Variants in ADCY3 observed in about 807,000 individuals in gnomAD.
ADCY3 encodes adenylate cyclase type 3.
Under a neutral mutation model 119.4 loss-of-function variants are expected in ADCY3, and 70 were observed. The ratio of observed to expected loss-of-function variants is 0.59; its 90% CI spans 0.48 to 0.72. ADCY3 has a LOEUF of 0.72. ADCY3 is among the 30% of genes least tolerant of loss of function. The pLI is 0.00. For synonymous variants in ADCY3, 672 were observed against 621.4 expected, an observed-to-expected ratio of 1.08 and a Z score of -1.21; for missense variants, 1,238 against 1,541.6, an observed-to-expected ratio of 0.80 and a Z score of 3.30.
chr2:24,885,942 T>C (rs996130642), intron 2 of ADCY3, among the ~76,000 whole-genome samples: 3 of 152,198 alleles, frequency 2.0e-5, no homozygotes, highest in Non-Finnish European at 2.9e-5. Flanking sequence ...CGGCACATGC[T>C]GTAGCCCCTA....
intron 13 of ADCY3, 38 bp from the exon 14 acceptor site, chr2:24,828,199 G>A: frequency 6.2e-7 from 1 of 1,606,484 alleles, no homozygotes; most frequent in Non-Finnish European, 8.5e-7. Flanking sequence ...ACACGTTCAA[G>A]AGAACAGCAG....
chr2:24,846,650 C>G (rs562352671), intron 3 of ADCY3, among the ~76,000 whole-genome samples: 2 of 151,538 alleles, frequency 1.3e-5, no homozygotes, highest in East Asian at 3.9e-4. Context: ...GCAATCTCAG[C>G]TCACTGCAAC....
intron 13 of ADCY3, 141 bp from the exon 14 acceptor site, chr2:24,828,302 A>G (rs1391124028): frequency 1.3e-5 from 13 of 994,412 alleles, no homozygotes; most frequent in Non-Finnish European, 1.7e-5. Context: ...GGGGAAATTT[A>G]CCAGGGACTA....
Position 24,842,294 on chromosome 2 carries a change from G to C in ADCY3, c.916C>G (p.Gln306Glu). The C allele has an allele frequency of 6.2e-7, 1 of 1,614,192 alleles. No homozygotes were observed. Among genetic ancestry groups the C allele is most frequent in the Non-Finnish European group, 8.5e-7 (1 of 1,180,044 alleles). ...CGGTACATGTACATGGTGTTGAACT[G>C]CTGCTGGTCCTTCTGGCTCTCGTCT... The part of the protein sequence containing the change: ...KKDESQKDQQ[Q>E]FNTMYMYRHE... The change falls in exon 4 of 22, where the codon CAG (glutamine) becomes GAG (glutamate). Residue 306 changes from glutamine to glutamate, a missense_variant. Physicochemically the swap from Gln to Glu is conservative, Grantham distance 29 (BLOSUM62 2). This residue lies in a region of ADCY3 where 283 missense variants were observed against 437.2 expected (regional missense o/e 0.65). Transcript: ENST00000679454. The surrounding 1 kb of genome is among the most constrained non-coding windows in gnomAD (Gnocchi z 4.9).
chr2:24,902,640 A>C (rs1171029896), intron 2 of ADCY3, among the ~76,000 whole-genome samples: 1 of 151,974 alleles, frequency 6.6e-6, no homozygotes, highest in Non-Finnish European at 1.5e-5. Context: ...GAGACAGCAA[A>C]ACCAACCCCT....
chr2:24,906,685 G>A (rs991604456), intron 2 of ADCY3, among the ~76,000 whole-genome samples: 1 of 152,192 alleles, frequency 6.6e-6, no homozygotes, highest in African/African-American at 2.4e-5. Context: ...TTACTGATTT[G>A]GTTTCTTAGG....
chr2:24,821,284 A>G (rs72792177), intron 20 of ADCY3: 26,612 of 541,526 alleles, frequency 0.049, 1,088 homozygotes, highest in East Asian at 0.19. Context: ...CCAAGCTTCT[A>G]TTGTAACAGT....
At chr2:24,830,276 T>G (rs1558415463) in intron 13 of ADCY3, among the ~76,000 whole-genome samples, 1 of 152,006 alleles carries the variant, frequency 6.6e-6, no homozygotes, top group Non-Finnish European at 1.5e-5. Flanking sequence ...CCTGACCTCG[T>G]GATCCGCCCA....
At chr2:24,904,268 G>A (rs1407199447) in intron 2 of ADCY3, among the ~76,000 whole-genome samples, 4 of 152,150 alleles carry the variant, frequency 2.6e-5, no homozygotes, top group African/African-American at 9.7e-5. Context: ...GGTGGCTCAC[G>A]CCTGTAATCC....
rs111587972 is a variant in ADCY3 at position 24,820,170 on chromosome 2, G to A, written c.3253-56C>T. 9.0e-6 allele frequency: 12 copies of A among 1,330,356 alleles called. No individual in the cohort carries two copies. The African/African-American group carries it at 1.5e-4, about 17-fold the overall frequency. The allele number at this position is 1,330,356 out of a possible 1,614,324, so 82.4% of individuals were successfully genotyped here. A position where few individuals can be genotyped will look rare whatever the true frequency, so the allele number is the denominator to read the frequency against. ...GTTACGGGGGGAGCCTAGACTGAGG[G>A]CGGGTGGGGGCTTTGGGTGGTTGGA... On this transcript the variant is annotated intron_variant, in intron 21 of 21. Transcript: ENST00000679454.
rs923325997 is a variant in ADCY3, at chr2:24,898,320, G to A, written c.675+19993C>T. ...GACCGCCTTTCCATCACCGTGGGGT[G>A]AGCCCCACCCTCGCACCGAGAAGAA... On this transcript the variant is annotated intron_variant, in intron 2 of 21. Coordinates refer to ENST00000679454, the MANE Select transcript of ADCY3 (RefSeq NM_004036.5). This position sits in a 1 kb window ranked among gnomAD's most constrained non-coding sequence, Gnocchi z 4.3. Among the ~76,000 whole-genome samples the A allele has an allele frequency of 6.6e-5, 10 of 152,076 alleles. No individual in the cohort carries two copies. The highest frequency in any genetic ancestry group is 4.2e-4 in the South Asian group (2 of 4,808).
At position 24,872,814 on chromosome 2, in the gene ADCY3, G is replaced by T; in HGVS notation, c.676-95C>A. 1 of 1,463,850 alleles carries T rather than the reference G, an allele frequency of 6.8e-7. No individual in the cohort carries two copies. Among genetic ancestry groups the T allele is most frequent in the Non-Finnish European group, 9.3e-7 (1 of 1,075,652 alleles). 90.7% of individuals were successfully genotyped at this position (1,463,850 alleles called of 1,614,324 possible). ...GGGGATGGAGGAGGTGGGGTGGGTGGTGACCAAAATCAAACCTCAAGTTGC... is the reference window on the plus strand; with the variant it reads ...GGGGATGGAGGAGGTGGGGTGGGTGTTGACCAAAATCAAACCTCAAGTTGC... On this transcript the variant is annotated intron_variant, in intron 2 of 21. Transcript: ENST00000679454. The surrounding 1 kb of genome is among the most constrained non-coding windows in gnomAD (Gnocchi z 4.4).
At chr2:24,827,709 G>A in intron 14 of ADCY3, 101 bp from the exon 15 acceptor site, 1 of 1,426,096 alleles carries the variant, frequency 7.0e-7, no homozygotes, top group Non-Finnish European at 9.7e-7. Flanking sequence ...CGGGGAGAAT[G>A]GGAAGAATCT....
intron 3 of ADCY3, among the ~76,000 whole-genome samples, chr2:24,866,564 C>CAAAA (rs71397449): frequency 1.1e-3 from 52 of 46,436 alleles, no homozygotes; most frequent in African/African-American, 2.2e-3. Flanking sequence ...GACCCTGTCT[C>CAAAA]AAAAAAAAAA....
chr2:24,908,107 A>G (rs571407406), intron 2 of ADCY3, among the ~76,000 whole-genome samples: 42 of 152,318 alleles, frequency 2.8e-4, no homozygotes, highest in Non-Finnish European at 5.0e-4. Context: ...AGATCACCTG[A>G]GGTCAGGAAT....
intron 2 of ADCY3, among the ~76,000 whole-genome samples, chr2:24,900,942 G>A (rs1430324000): frequency 6.6e-6 from 1 of 152,146 alleles, no homozygotes; most frequent in Non-Finnish European, 1.5e-5. Flanking sequence ...GTGGGCACCT[G>A]TAATCCCAGC....
chr2:24,823,606 G>C (rs1416550493), intron 17 of ADCY3, among the ~76,000 whole-genome samples: 1 of 151,322 alleles, frequency 6.6e-6, no homozygotes, highest in Non-Finnish European at 1.5e-5. Flanking sequence ...TTGAACACCA[G>C]GTATCTGGGA....
chr2:24,832,894 AC>A (rs1396952861), intron 11 of ADCY3, among the ~76,000 whole-genome samples: 1 of 152,072 alleles, frequency 6.6e-6, no homozygotes, highest in Non-Finnish European at 1.5e-5. Context: ...ATCTTGGTTA[AC>A]GGCACCCCCG....
At chr2:24,907,200 G>T (rs76935265) in intron 2 of ADCY3, among the ~76,000 whole-genome samples, 3,947 of 152,102 alleles carry the variant, frequency 0.026, 150 homozygotes, top group African/African-American at 0.087. Context: ...GTGAGAAACT[G>T]CCCCCAAGGG....
Sources: gnomAD v4.1 joint callset for allele counts (sites outside exome capture counted in the v4.1 genomes callset) on GRCh38, gnomAD v4.1.1 for gene constraint, gnomAD v4.1.1 regional missense constraint, Gnocchi (gnomAD v3.1) non-coding constraint, MANE v1.5 for transcripts, NCBI Gene and HGNC (gene_info 2026-07-23, HGNC 2026-07-21) for gene names.